Variants in GRM8 observed in about 807,000 individuals in gnomAD.
GRM8 encodes the protein metabotropic glutamate receptor 8.
GRM8 carries 47 observed loss-of-function variants against 87.2 expected under a neutral mutation model. The observed-to-expected ratio is 0.54, with a 90% CI of 0.43 to 0.69. The LOEUF is 0.69. Ranked by LOEUF, GRM8 falls within the 30% of genes least tolerant of loss-of-function variation. The probability of loss-of-function intolerance (pLI) is 0.00; values close to 1 mark genes in which losing one functional copy is unlikely to be tolerated. For missense variants in GRM8, 1,019 were observed against 1,139.2 expected (o/e 0.89, Z 1.52); for synonymous variants, 396 against 404.5 (o/e 0.98, Z 0.25).
At chr7:126,468,010 T>C (rs576935015) in intron 9 of GRM8, among the ~76,000 whole-genome samples, 5 of 152,166 alleles carry the variant, frequency 3.3e-5, no homozygotes, top group African/African-American at 1.2e-4. Flanking sequence ...TCCTCATCTA[T>C]AAACCTTTTA....
chr7:126,522,353 C>A (rs1328888163), intron 9 of GRM8, among the ~76,000 whole-genome samples: 2 of 152,168 alleles, frequency 1.3e-5, no homozygotes, highest in Non-Finnish European at 2.9e-5. Flanking sequence ...AGACTCTCCA[C>A]TGGCAGAGAA....
intron 3 of GRM8, among the ~76,000 whole-genome samples, chr7:126,991,205 T>C (rs1297532091): frequency 6.6e-6 from 1 of 152,146 alleles, no homozygotes; most frequent in Non-Finnish European, 1.5e-5. Context: ...ACCTGAGACA[T>C]GTGAATCTTT....
chr7:126,985,050 T>C (rs1212453024), intron 3 of GRM8, among the ~76,000 whole-genome samples: 1 of 152,030 alleles, frequency 6.6e-6, no homozygotes, highest in Non-Finnish European at 1.5e-5. Context: ...CACACATGCA[T>C]GAAGTAGAAG....
intron 3 of GRM8, among the ~76,000 whole-genome samples, chr7:127,007,631 C>T (rs926759619): frequency 6.6e-6 from 1 of 152,056 alleles, no homozygotes; most frequent in East Asian, 1.9e-4. Context: ...TTTGAAAGTT[C>T]AGGCCAAGAC....
At chr7:126,447,462 C>T (rs1802139437) in intron 9 of GRM8, among the ~76,000 whole-genome samples, 1 of 151,962 alleles carries the variant, frequency 6.6e-6, no homozygotes, top group African/African-American at 2.4e-5. Context: ...CTATTTACAT[C>T]TCTGAATATG....
At position 127,137,668 on chromosome 7, in the gene GRM8, C is replaced by A. The variant is rs184913848; in HGVS notation, c.511-30956G>T. On this transcript the variant is annotated intron_variant, in intron 2 of 10. Coordinates refer to ENST00000339582, the MANE Select transcript of GRM8 (RefSeq NM_000845.3). ...TAAAATTCTTCCATTGTTTTGCCATCTTTGGGTTTGTCTGGGTCCCTTTCC... is the reference window on the plus strand; with the variant it reads ...TAAAATTCTTCCATTGTTTTGCCATATTTGGGTTTGTCTGGGTCCCTTTCC... Among the ~76,000 whole-genome samples, 172 of 152,030 alleles carry A rather than the reference C, an allele frequency of 1.1e-3. 1 individual carries two copies. Among genetic ancestry groups the A allele is most frequent in the African/African-American group, 4.1e-3 (169 of 41,434 alleles).
intron 8 of GRM8, among the ~76,000 whole-genome samples, chr7:126,558,714 C>T (rs1314549321): frequency 6.6e-6 from 1 of 152,114 alleles, no homozygotes; most frequent in Non-Finnish European, 1.5e-5. Context: ...CACAACCATT[C>T]CTTTTTTTTC....
intron 3 of GRM8, among the ~76,000 whole-genome samples, chr7:127,100,051 A>C (rs1825079202): frequency 6.6e-6 from 1 of 152,204 alleles, no homozygotes; most frequent in Non-Finnish European, 1.5e-5. Flanking sequence ...ATTGTCAGCA[A>C]ACACCAGAAG....
chr7:126,745,759 T>C (rs1815592477), intron 7 of GRM8, among the ~76,000 whole-genome samples: 1 of 151,766 alleles, frequency 6.6e-6, no homozygotes, highest in African/African-American at 2.4e-5. Context: ...GCTTATTGAA[T>C]TTCTTCTTGC....
At position 126,970,332 on chromosome 7, in the gene GRM8, C is replaced by T. The variant is rs114743982; in HGVS notation, c.728-65649G>A. Among the ~76,000 whole-genome samples the T allele has an allele frequency of 6.2e-3, 941 of 152,300 alleles. 9 individuals are homozygous for T. Among genetic ancestry groups the T allele is most frequent in the African/African-American group, 0.021 (884 of 41,562 alleles). On this transcript the variant is annotated intron_variant, in intron 3 of 10. Coordinates refer to ENST00000339582, the MANE Select transcript of GRM8 (RefSeq NM_000845.3). ...ATTGAAAACCTCTTGTTTAACATAGCCACCTTCATCAATGCTCTTCACTAA... is the reference window on the plus strand; with the variant it reads ...ATTGAAAACCTCTTGTTTAACATAGTCACCTTCATCAATGCTCTTCACTAA...
chr7:126,963,605 C>T (rs1181122210), intron 3 of GRM8, among the ~76,000 whole-genome samples: 1 of 152,164 alleles, frequency 6.6e-6, no homozygotes, highest in East Asian at 1.9e-4. Flanking sequence ...AGAAATACAA[C>T]TTACAAGGGA....
rs1207387589 is a variant in GRM8, at chr7:126,759,854, G to GTA, written c.1357+10009_1357+10010dup. Among the ~76,000 whole-genome samples, 55 of 152,212 alleles carry GTA rather than the reference G, an allele frequency of 3.6e-4. 1 individual carries two copies. In the East Asian group the frequency reaches 9.5e-3, roughly 26 times the overall value. On this transcript the variant is annotated intron_variant, in intron 7 of 10. Transcript: ENST00000339582. Reference sequence around the variant, plus strand: ...CTTCATAGGAAACCAAAATAGATTAGTATATATATCCTTATCAGCTTTTTT... The same window carrying GTA: ...CTTCATAGGAAACCAAAATAGATTAGTATATATATATCCTTATCAGCTTTTTT...
chr7:126,621,740 A>T (rs1800197408), intron 7 of GRM8, among the ~76,000 whole-genome samples: 1 of 151,752 alleles, frequency 6.6e-6, no homozygotes, highest in Non-Finnish European at 1.5e-5. Flanking sequence ...TTAAAAAAAA[A>T]AAATCATTCA....
At chr7:126,756,201 C>A (rs1816990149) in intron 7 of GRM8, among the ~76,000 whole-genome samples, 1 of 151,662 alleles carries the variant, frequency 6.6e-6, no homozygotes, top group South Asian at 2.1e-4. Context: ...ACTGGACAAC[C>A]CCATGCAAAA....
intron 2 of GRM8, among the ~76,000 whole-genome samples, chr7:127,186,062 A>G (rs1440877145): frequency 1.3e-5 from 2 of 152,206 alleles, no homozygotes; most frequent in African/African-American, 4.8e-5. Context: ...AGTATAAAAC[A>G]AAAAGAGCTT....
intron 3 of GRM8, among the ~76,000 whole-genome samples, chr7:126,977,308 A>G (rs1220167083): frequency 6.6e-6 from 1 of 152,242 alleles, no homozygotes; most frequent in Admixed American, 6.5e-5. Context: ...GATATGGCAA[A>G]GCAACTTGTT....
At chr7:126,995,642 G>C (rs17865084) in intron 3 of GRM8, among the ~76,000 whole-genome samples, 5,249 of 152,150 alleles carry the variant, frequency 0.034, 296 homozygotes, top group African/African-American at 0.12. Context: ...TTGAAGACAG[G>C]CTCCTTGGTA....
At chr7:126,579,375 TA>T (rs1195859024) in intron 8 of GRM8, among the ~76,000 whole-genome samples, 1 of 152,192 alleles carries the variant, frequency 6.6e-6, no homozygotes, top group Non-Finnish European at 1.5e-5. Context: ...TATTTTCACA[TA>T]AAAAAATTCT....
intron 3 of GRM8, among the ~76,000 whole-genome samples, chr7:126,983,509 A>G (rs1008822111): frequency 6.7e-6 from 1 of 150,002 alleles, no homozygotes; most frequent in African/African-American, 2.4e-5. Context: ...TATCACCCCT[A>G]GTGACCCACT....
Sources: allele counts gnomAD v4.1 joint callset (sites outside exome capture counted in the v4.1 genomes callset), GRCh38; gene constraint gnomAD v4.1.1; transcripts MANE v1.5; gene names NCBI Gene and HGNC (gene_info 2026-07-23, HGNC 2026-07-21).